CFI: variants seen among roughly 807,000 people sequenced by gnomAD.
The protein encoded by CFI is C3B/C4B inactivator.
A neutral mutation model predicts 78.8 loss-of-function variants in CFI; 66 were observed. That is an observed-to-expected ratio of 0.84 (90% CI 0.69 to 1.03). The LOEUF is 1.03. Ranked by LOEUF, CFI falls within the 50% of genes least tolerant of loss-of-function variation. The pLI, the probability that CFI is intolerant of heterozygous loss-of-function variation, is 0.00. For synonymous variants in CFI, 250 were observed against 232.6 expected (o/e 1.07, Z -0.68); for missense variants, 706 against 704.5 (o/e 1.00, Z -0.02).
intron 1 of CFI, among the ~76,000 whole-genome samples, chr4:109,795,447 T>C (rs11937379): frequency 0.18 from 28,073 of 152,018 alleles, 4,979 homozygotes; most frequent in African/African-American, 0.45. Context: ...TTAATACAGG[T>C]TACAAGGATT....
At chr4:109,779,148 G>C (rs1414009874) in intron 1 of CFI, among the ~76,000 whole-genome samples, 1 of 152,138 alleles carries the variant, frequency 6.6e-6, no homozygotes, top group African/African-American at 2.4e-5. Flanking sequence ...TCAGGCAAGA[G>C]AAAGAAATAA....
intron 4 of CFI, 42 bp downstream of exon 4, chr4:109,761,475 A>T (rs1189734871): frequency 3.1e-6 from 5 of 1,587,468 alleles, no homozygotes; most frequent in Admixed American, 3.3e-5. Context: ...AAAATAAACA[A>T]CCTTCAAGGA....
At chr4:109,732,856 CAAA>C in the CFI span, among the ~76,000 whole-genome samples, 78 of 130,424 alleles carry the variant, frequency 6.0e-4, no homozygotes, top group African/African-American at 4.8e-4. Flanking sequence ...GACTCTGTCT[CAAA>C]AAAAAAAAAA....
rs1266866287 is a variant in CFI, at chr4:109,760,266, T to C, written c.883+4A>G. On this transcript the variant is annotated splice_donor_region_variant and intron_variant, in intron 6 of 12. Transcript: ENST00000394634. ...AAAAAAGTCACCCCAAGTCTTTCAA[T>C]TACCTGCACAGCCAACTTCATCTTC... The C allele has an allele frequency of 6.2e-7, 1 of 1,607,506 alleles. No homozygotes were observed. The highest frequency in any genetic ancestry group is 1.3e-5 in the African/African-American group (1 of 74,784).
chr4:109,801,832 T>C lies in CFI; in HGVS notation c.57+83A>G. 4.4e-6 allele frequency: 4 copies of C among 911,382 alleles called. No homozygotes were observed. In the South Asian group the frequency reaches 6.5e-5, roughly 15 times the overall value. 56.5% of individuals were successfully genotyped at this position (911,382 alleles called of 1,614,324 possible). ...AACTATGTAATATTTAAATCAAAAT[T>C]ATATATTTAAGATTATTTTCTATGT... is the stretch of plus-strand genomic sequence containing the variant. On this transcript the variant is annotated intron_variant, in intron 1 of 12. Transcript: ENST00000394634.
intron 6 of CFI, chr4:109,758,043 C>T: frequency 9.7e-7 from 1 of 1,027,624 alleles, no homozygotes. Flanking sequence ...AAATTTCAGA[C>T]TAGTACAACT....
chr4:109,736,365 T>C (rs1211291485), downstream of CFI, among the ~76,000 whole-genome samples: 1 of 152,242 alleles, frequency 6.6e-6, no homozygotes, highest in Non-Finnish European at 1.5e-5. Flanking sequence ...TATTTTTCTT[T>C]ATTTCTTTAA....
chr4:109,751,849 G>C (rs1462781240), intron 8 of CFI, among the ~76,000 whole-genome samples: 1 of 152,142 alleles, frequency 6.6e-6, no homozygotes, highest in African/African-American at 2.4e-5. Flanking sequence ...CACTGAAACA[G>C]GGAGCTATTT....
rs565109121 is a variant in CFI at position 109,779,085 on chromosome 4, C to T, written c.58-12261G>A. Among the ~76,000 whole-genome samples, 5 of 152,212 alleles carry T rather than the reference C, an allele frequency of 3.3e-5. No homozygotes were observed. The East Asian group carries it at 9.6e-4, about 29-fold the overall frequency. On this transcript the variant is annotated intron_variant, in intron 1 of 12. Coordinates refer to ENST00000394634, the MANE Select transcript of CFI (RefSeq NM_000204.5). ...TGAAAACTGGCACAAGACAGGGATG[C>T]CCTCTCTCACCACTCCTATTCAACA...
At chr4:109,745,378 A>G (rs1185120793) in intron 11 of CFI, among the ~76,000 whole-genome samples, 1 of 152,048 alleles carries the variant, frequency 6.6e-6, no homozygotes, top group Non-Finnish European at 1.5e-5. Flanking sequence ...TTTGGTAGAG[A>G]CAGTGTCTCA....
chr4:109,731,550 T>TTCAGAACACTA, the CFI span, among the ~76,000 whole-genome samples: 1 of 152,198 alleles, frequency 6.6e-6, no homozygotes, highest in Non-Finnish European at 1.5e-5. Flanking sequence ...ATCGCTCACA[T>TTCAGAACACTA]TCAGAACACT....
chr4:109,761,938 C>T (rs1727123439), intron 3 of CFI: 2 of 454,798 alleles, frequency 4.4e-6, no homozygotes, highest in Admixed American at 6.9e-5. Flanking sequence ...GCCTGTAATC[C>T]CAGCACTTTG....
chr4:109,753,427 TAATATATTTATTATATAATAAATATTTA>T (rs1380294632), intron 7 of CFI, among the ~76,000 whole-genome samples: 2 of 76,116 alleles, frequency 2.6e-5, no homozygotes, highest in African/African-American at 1.3e-4. Context: ...TAAATATTTA[TAATATATTTATTATATAATAAATATTTA>T]TATATATATT....
chr4:109,744,652 T>C (rs1298391829), intron 11 of CFI, among the ~76,000 whole-genome samples: 1 of 152,190 alleles, frequency 6.6e-6, no homozygotes, highest in Non-Finnish European at 1.5e-5. Context: ...AAGACAGCTC[T>C]GGTACCTCTA....
rs1561291338 is a variant in CFI at position 109,752,491 on chromosome 4, AT to A, written c.916del (p.Ile306PhefsTer2). The part of the protein sequence containing the change: ...FASVTQEETE[I>X]LTADMDAERR... Reference sequence around the variant, plus strand: ...ACCTGCATCCATGTCAGCAGTCAAAATTTCTGTTTCTTCTATGATAAAACAA... The same window carrying A: ...ACCTGCATCCATGTCAGCAGTCAAAATTCTGTTTCTTCTATGATAAAACAA... On this transcript the variant is annotated frameshift_variant, in exon 8 of 13. Transcript: ENST00000394634. LOFTEE classifies it high-confidence loss of function. 6.2e-7 allele frequency: 1 copy of A among 1,613,254 alleles called. No individual in the cohort carries two copies. Among genetic ancestry groups the A allele is most frequent in the Admixed American group, 1.7e-5 (1 of 59,988 alleles).
At chr4:109,794,675 T>C (rs1731830212) in intron 1 of CFI, among the ~76,000 whole-genome samples, 1 of 152,028 alleles carries the variant, frequency 6.6e-6, no homozygotes, top group African/African-American at 2.4e-5. Flanking sequence ...CACCTGTAAT[T>C]CCAGCTATTC....
At chr4:109,781,474 TGAACA>T (rs1449752591) in intron 1 of CFI, among the ~76,000 whole-genome samples, 1 of 152,082 alleles carries the variant, frequency 6.6e-6, no homozygotes, top group African/African-American at 2.4e-5. Context: ...TTAGATACCC[TGAACA>T]GACCAATAAC....
chr4:109,759,545 A>T (rs958204944), intron 6 of CFI, among the ~76,000 whole-genome samples: 17 of 152,166 alleles, frequency 1.1e-4, no homozygotes, highest in Admixed American at 4.6e-4. Flanking sequence ...TTATATATAT[A>T]TAGTGTTTTT....
At chr4:109,778,450 A>G (rs2125839918) in intron 1 of CFI, among the ~76,000 whole-genome samples, 1 of 152,342 alleles carries the variant, frequency 6.6e-6, no homozygotes, top group South Asian at 2.1e-4. Flanking sequence ...GAATCCCTGA[A>G]TAGACCAATA....
Sources: gnomAD v4.1 joint callset for allele counts (sites outside exome capture counted in the v4.1 genomes callset) on GRCh38, gnomAD v4.1.1 for gene constraint, MANE v1.5 for transcripts, NCBI Gene and HGNC (gene_info 2026-07-23, HGNC 2026-07-21) for gene names.